The following JMJD1C variants were observed in gnomAD, a reference collection of about 807,000 sequenced individuals.
JMJD1C encodes the protein jumonji domain-containing protein 1C.
In JMJD1C, 31 loss-of-function variants were observed where a neutral mutation model predicts 245.3. That is an observed-to-expected ratio of 0.13 (90% CI 0.09 to 0.17). The LOEUF (loss-of-function observed/expected upper bound fraction) is 0.17, where lower values mean the gene tolerates loss of function less well. Ranked by LOEUF, JMJD1C falls within the 10% of genes least tolerant of loss-of-function variation. JMJD1C has a pLI of 1.00. For missense variants in JMJD1C, 2,691 were observed against 3,000.2 expected (o/e 0.90, Z 2.41); for synonymous variants, 1,057 against 1,017.4 (o/e 1.04, Z -0.74).
intron 2 of JMJD1C, among the ~76,000 whole-genome samples, chr10:63,378,910 G>C (rs563713584): frequency 3.0e-4 from 46 of 152,006 alleles, no homozygotes; most frequent in Admixed American, 9.2e-4. Context: ...ATCTTCTTTA[G>C]TTTGCTATGC....
At chr10:63,272,542 G>A (rs1033866126) in intron 2 of JMJD1C, among the ~76,000 whole-genome samples, 5 of 152,318 alleles carry the variant, frequency 3.3e-5, no homozygotes, top group African/African-American at 1.2e-4. Flanking sequence ...ATGAGCCACT[G>A]CTCCCAGCCA....
chr10:63,513,872 C>G (rs1020655438), intron 1 of JMJD1C, among the ~76,000 whole-genome samples: 1 of 152,080 alleles, frequency 6.6e-6, no homozygotes, highest in African/African-American at 2.4e-5. Flanking sequence ...GAGATCGCGC[C>G]ACTGCACTCC....
intron 1 of JMJD1C, among the ~76,000 whole-genome samples, chr10:63,396,080 AAAC>A (rs1374604229): frequency 6.6e-6 from 1 of 152,206 alleles, no homozygotes; most frequent in Non-Finnish European, 1.5e-5. Context: ...CTCTAATTAA[AAAC>A]AAATTAAATG....
intron 2 of JMJD1C, among the ~76,000 whole-genome samples, chr10:63,288,205 A>G (rs1858208364): frequency 6.6e-6 from 1 of 152,194 alleles, no homozygotes; most frequent in South Asian, 2.1e-4. Context: ...TATGCAGTTC[A>G]AACCTGTATT....
intron 3 of JMJD1C, among the ~76,000 whole-genome samples, chr10:63,233,307 T>C (rs1850241628): frequency 6.6e-6 from 1 of 152,182 alleles, no homozygotes; most frequent in African/African-American, 2.4e-5. Flanking sequence ...CCTGATTTAC[T>C]TCTTAAGCAT....
upstream of JMJD1C, among the ~76,000 whole-genome samples, chr10:63,470,362 T>C (rs1953452409): frequency 6.6e-6 from 1 of 152,062 alleles, no homozygotes; most frequent in Non-Finnish European, 1.5e-5. Flanking sequence ...TAAATGAGAG[T>C]TCCTGTTCTT....
At chr10:63,169,487 A>T (rs1842150934) in intron 24 of JMJD1C, among the ~76,000 whole-genome samples, 1 of 152,146 alleles carries the variant, frequency 6.6e-6, no homozygotes, top group African/African-American at 2.4e-5. Flanking sequence ...AAATAAATTT[A>T]ATTGGGAGGA....
chr10:63,283,915 C>T (rs1375406373), intron 2 of JMJD1C, among the ~76,000 whole-genome samples: 10 of 151,922 alleles, frequency 6.6e-5, no homozygotes, highest in African/African-American at 2.2e-4. Context: ...AAGCAAAATG[C>T]TACATAGAGA....
At chr10:63,169,985 C>A (rs1285546045) in intron 24 of JMJD1C, among the ~76,000 whole-genome samples, 2 of 152,242 alleles carry the variant, frequency 1.3e-5, no homozygotes, top group Middle Eastern at 3.4e-3. Context: ...CATACAGAGT[C>A]TCCAAATGCC....
In JMJD1C at chr10:63,508,595, T is replaced by C. The variant is rs116882148; in HGVS notation, n.113+13143A>G. ...AAGAACTGACATTCTGATGATGCTG[T>C]GTCTTCCTATCCATGAACATAGAAT... On this transcript the variant is annotated intron_variant and non_coding_transcript_variant, in intron 1 of 3. Coordinates refer to the JMJD1C transcript ENST00000633035. Among the ~76,000 whole-genome samples, 209 of 152,356 alleles carry C rather than the reference T, an allele frequency of 1.4e-3. 1 individual carries two copies. In the East Asian group the frequency reaches 0.023, roughly 17 times the overall value.
chr10:63,410,211 TATAAC>T (rs891427958), intron 1 of JMJD1C, among the ~76,000 whole-genome samples: 6 of 152,146 alleles, frequency 3.9e-5, no homozygotes, highest in African/African-American at 1.4e-4. Context: ...TACAGTGACA[TATAAC>T]ATATTATTTC....
intron 1 of JMJD1C, among the ~76,000 whole-genome samples, chr10:63,511,640 A>C (rs1232320303): frequency 6.6e-6 from 1 of 152,096 alleles, no homozygotes; most frequent in African/African-American, 2.4e-5. Context: ...GCTTGAACCA[A>C]GGAGGCAGAA....
At chr10:63,274,038 CAAAA>C (rs1856564300) in intron 2 of JMJD1C, among the ~76,000 whole-genome samples, 1 of 151,640 alleles carries the variant, frequency 6.6e-6, no homozygotes, top group Non-Finnish European at 1.5e-5. Flanking sequence ...GACTCAAAAA[CAAAA>C]AAGCAAAAAA....
At chr10:63,280,301 G>A (rs1328655756) in intron 2 of JMJD1C, among the ~76,000 whole-genome samples, 1 of 152,066 alleles carries the variant, frequency 6.6e-6, no homozygotes, top group Non-Finnish European at 1.5e-5. Context: ...TGTAATCCCA[G>A]CACTCTGGGA....
At chr10:63,323,837 C>CATAT (rs372675515) in intron 2 of JMJD1C, among the ~76,000 whole-genome samples, 10 of 150,982 alleles carry the variant, frequency 6.6e-5, no homozygotes, top group African/African-American at 2.2e-4. Flanking sequence ...TGTGTGTATA[C>CATAT]ATATATATAT....
chr10:63,435,070 C>T (rs748404669), intron 1 of JMJD1C, among the ~76,000 whole-genome samples: 2 of 152,184 alleles, frequency 1.3e-5, no homozygotes, highest in East Asian at 1.9e-4. Context: ...CTGAACAATG[C>T]GCTCAAGTAT....
intron 1 of JMJD1C, among the ~76,000 whole-genome samples, chr10:63,495,538 G>A (rs193186475): frequency 1.4e-4 from 21 of 152,212 alleles, no homozygotes; most frequent in Admixed American, 8.5e-4. Context: ...TTGGGAAGCC[G>A]AGGCGGGCAG....
chr10:63,217,770 T>G (rs1238105343), intron 4 of JMJD1C: 3 of 152,158 alleles, frequency 2.0e-5, no homozygotes, highest in Non-Finnish European at 4.4e-5. Context: ...ACTATAAATT[T>G]TGATTTGCTA....
intron 2 of JMJD1C, among the ~76,000 whole-genome samples, chr10:63,279,144 G>A (rs758769625): frequency 3.9e-5 from 6 of 151,976 alleles, no homozygotes; most frequent in Non-Finnish European, 8.8e-5. Context: ...CAGCTACTCA[G>A]GAGGCTGAGG....
Sources: gnomAD v4.1 joint callset for allele counts (sites outside exome capture counted in the v4.1 genomes callset) on GRCh38, gnomAD v4.1.1 for gene constraint, MANE v1.5 for transcripts, NCBI Gene and HGNC (gene_info 2026-07-23, HGNC 2026-07-21) for gene names.